Variants in MACF1 observed in about 807,000 individuals in gnomAD.
The protein encoded by MACF1 is microtubule actin crosslinking factor 1.
In MACF1, 193 loss-of-function variants were observed where a neutral mutation model predicts 854.8. The observed-to-expected ratio is 0.23, with a 90% CI of 0.20 to 0.25. The LOEUF (loss-of-function observed/expected upper bound fraction) is 0.25, where lower values mean the gene tolerates loss of function less well. MACF1 is among the 10% of genes least tolerant of loss of function. The pLI, the probability that MACF1 is intolerant of heterozygous loss-of-function variation, is 1.00. For synonymous variants in MACF1, 3,185 were observed against 3,226.7 expected (o/e 0.99, Z 0.44); for missense variants, 7,722 against 8,929.1 (o/e 0.86, Z 5.45).
chr1:39,441,582 C>T lies in MACF1; in HGVS notation c.18672+257C>T, dbSNP rs576852490. 3.3e-5 allele frequency among the ~76,000 whole-genome samples: 5 copies of T among 152,270 alleles called. No homozygotes were observed. The East Asian group carries it at 7.7e-4, about 23-fold the overall frequency. On this transcript the variant is annotated intron_variant, in intron 74 of 100. Transcript: ENST00000564288. Reference sequence around the variant, plus strand: ...TCATTCAGCTACGTTGTGAAGCTGGCCTTACTGTGAAAGTCATTGCTTGCC... The same window carrying T: ...TCATTCAGCTACGTTGTGAAGCTGGTCTTACTGTGAAAGTCATTGCTTGCC...
intron 58 of MACF1, among the ~76,000 whole-genome samples, chr1:39,394,874 C>T (rs2148582857): frequency 6.6e-6 from 1 of 152,222 alleles, no homozygotes; most frequent in East Asian, 1.9e-4. Flanking sequence ...TTTAGGTTTC[C>T]CCAGCTTTAC....
At chr1:39,111,617 G>A (rs1270344600) in intron 2 of MACF1, among the ~76,000 whole-genome samples, 5 of 152,014 alleles carry the variant, frequency 3.3e-5, no homozygotes, top group Non-Finnish European at 5.9e-5. Context: ...TTCTGACCTC[G>A]TGATCTGCCC....
intron 2 of MACF1, among the ~76,000 whole-genome samples, chr1:39,191,199 C>CTTTTTTTTTTTT: frequency 7.4e-6 from 1 of 135,482 alleles, no homozygotes; most frequent in Non-Finnish European, 1.6e-5. Context: ...TTCTTTCTTT[C>CTTTTTTTTTTTT]TTTTTTTTTT....
rs570112878 is a variant in MACF1 at position 39,308,719 on chromosome 1, G to A, written c.2790-851G>A. 2.6e-5 allele frequency among the ~76,000 whole-genome samples: 4 copies of A among 151,590 alleles called. No individual in the cohort carries two copies. The East Asian group carries it at 5.8e-4, about 22-fold the overall frequency. ...TGCCCAGGCTGGAGTGCAATGGTGCGATCTTGGCTCACTGCAACCTCCACC... is the reference window on the plus strand; with the variant it reads ...TGCCCAGGCTGGAGTGCAATGGTGCAATCTTGGCTCACTGCAACCTCCACC... On this transcript the variant is annotated intron_variant, in intron 23 of 100. Coordinates refer to ENST00000564288, the MANE Select transcript of MACF1 (RefSeq NM_001394062.1).
At chr1:39,209,147 G>T (rs1036087130) in intron 1 of MACF1, among the ~76,000 whole-genome samples, 18 of 150,254 alleles carry the variant, frequency 1.2e-4, no homozygotes, top group Non-Finnish European at 4.4e-5. Flanking sequence ...AGCTACTGGG[G>T]AGGCGGAGGT....
Position 39,347,126 on chromosome 1 carries a change from C to A in MACF1, c.10731C>A (p.Phe3577Leu). The part of the protein sequence containing the change: ...LRLLNELQRS[F>L]QDILEQTAAQ... ...TTCTGAATGAACTGCAGAGGTCCTT[C>A]CAGGACATTTTGGAACAGACTGCCG... Residue 3577 changes from phenylalanine to leucine, a missense_variant, in exon 41 of 101, where the codon TTC becomes TTA. Physicochemically the swap from Phe to Leu is conservative, Grantham distance 22. Coordinates refer to ENST00000564288, the MANE Select transcript of MACF1 (RefSeq NM_001394062.1). 2 of 1,614,082 alleles carry A rather than the reference C, an allele frequency of 1.2e-6. No individual in the cohort carries two copies. Among genetic ancestry groups the A allele is most frequent in the Admixed American group, 1.7e-5 (1 of 60,022 alleles).
chr1:39,335,233 C>T lies in MACF1; in HGVS notation c.8645C>T (p.Ser2882Leu), dbSNP rs746847551. 1.2e-5 allele frequency: 19 copies of T among 1,613,858 alleles called. No homozygotes were observed. In the Middle Eastern group the frequency reaches 4.9e-4, roughly 42 times the overall value. ...NLKGKSLGQV[S>L]LTHPYSECDF... ...AAAGGTAAATCCTTGGGCCAAGTGT[C>T]ATTGACACACCCTTACTCTGAATGT... The change falls in exon 37 of 101, where the codon TCA (serine) becomes TTA (leucine). Residue 2882 changes from serine (S) to leucine (L), a missense_variant. Coordinates refer to ENST00000564288, the MANE Select transcript of MACF1 (RefSeq NM_001394062.1).
intron 6 of MACF1, among the ~76,000 whole-genome samples, chr1:39,261,407 T>C (rs1390233854): frequency 1.3e-5 from 2 of 152,322 alleles, no homozygotes; most frequent in South Asian, 2.1e-4. Flanking sequence ...ATAATCTAGT[T>C]TGGGGACATT....
chr1:39,277,063 A>T (rs1645450492), intron 6 of MACF1, among the ~76,000 whole-genome samples: 1 of 152,138 alleles, frequency 6.6e-6, no homozygotes, highest in Non-Finnish European at 1.5e-5. Flanking sequence ...TACAAGCCTT[A>T]ACATTAAAAT....
In MACF1 at chr1:39,442,055, T is replaced by C. The variant is rs1216638507; in HGVS notation, c.18774+2T>C. 6.2e-7 allele frequency: 1 copy of C among 1,609,668 alleles called. No individual in the cohort carries two copies. The highest frequency in any genetic ancestry group is 1.3e-5 in the African/African-American group (1 of 74,780). ...AAAGATCAGTTAAATGAAATGAAGG[T>C]TTGTATCTGGGTATGGCTTTTGAAG... On this transcript the variant is annotated splice_donor_variant, in intron 75 of 100. Coordinates refer to ENST00000564288, the MANE Select transcript of MACF1 (RefSeq NM_001394062.1). LOFTEE classifies it high-confidence loss of function.
At position 39,283,309 on chromosome 1, in the gene MACF1, G is replaced by A. The variant is rs376057281; in HGVS notation, c.808+8G>A. The A allele has an allele frequency of 1.9e-6, 3 of 1,603,012 alleles. No homozygotes were observed. The highest frequency in any genetic ancestry group is 1.3e-5 in the African/African-American group (1 of 74,722). ...GCCTGCTGGATGCAGAAGGTGAGAG[G>A]GAGTTTACTGAACTTGAGTAAGGAA... On this transcript the variant is annotated splice_region_variant and intron_variant, in intron 8 of 100. Transcript: ENST00000564288. The surrounding 1 kb of genome is among the most constrained non-coding windows in gnomAD (Gnocchi z 4.5).
At chr1:39,143,370 A>T (rs1042982956) in intron 2 of MACF1, among the ~76,000 whole-genome samples, 1 of 152,162 alleles carries the variant, frequency 6.6e-6, no homozygotes, top group African/African-American at 2.4e-5. Context: ...TTCATTTGTA[A>T]CATCTTGGAG....
chr1:39,249,958 A>G, intron 2 of MACF1, 56 bp from the exon 3 acceptor site: 3 of 915,352 alleles, frequency 3.3e-6, no homozygotes, highest in Non-Finnish European at 5.2e-6. Flanking sequence ...TTTTATGTGG[A>G]TAGTATAATA....
In MACF1 at chr1:39,379,210, G is replaced by A. The variant is rs750275025; in HGVS notation, c.13284G>A (p.Thr4428=). 1.3e-5 allele frequency: 20 copies of A among 1,597,258 alleles called. No individual in the cohort carries two copies. Among genetic ancestry groups the A allele is most frequent in the Non-Finnish European group, 1.6e-5 (19 of 1,171,530 alleles). ...CTGTTTCTATGATACTAGATCTGAC[G>A]GAGATCCAGTGTGACATGTCAGATG... The part of the protein sequence containing the change: ...VNGYHTCKDL[T]EIQCDMSDVN... Residue 4428 remains threonine, a synonymous_variant, in exon 54 of 101, where the codon ACG becomes ACA. Coordinates refer to ENST00000564288, the MANE Select transcript of MACF1 (RefSeq NM_001394062.1).
chr1:39,411,434 C>T, intron 58 of MACF1: 2 of 1,613,976 alleles, frequency 1.2e-6, no homozygotes, highest in Non-Finnish European at 1.7e-6. Flanking sequence ...GGCCACCTAT[C>T]TCTTGGTCAG....
intron 1 of MACF1, among the ~76,000 whole-genome samples, chr1:39,221,604 A>G (rs1644652710): frequency 6.6e-6 from 1 of 152,186 alleles, no homozygotes; most frequent in Non-Finnish European, 1.5e-5. Flanking sequence ...TAGAAGCATG[A>G]GAATTGTCTT....
At chr1:39,462,878 G>T (rs1644583519) in intron 93 of MACF1, among the ~76,000 whole-genome samples, 1 of 152,148 alleles carries the variant, frequency 6.6e-6, no homozygotes, top group South Asian at 2.1e-4. Context: ...CTTGGTAAGG[G>T]AGAGGTGCTG....
intron 2 of MACF1, among the ~76,000 whole-genome samples, chr1:39,096,183 CAAA>C (rs35710100): frequency 4.3e-5 from 5 of 117,412 alleles, no homozygotes; most frequent in African/African-American, 3.7e-5. Flanking sequence ...GACCCTGTCT[CAAA>C]AAAAAAAAAA....
At chr1:39,273,123 C>T (rs561960382) in intron 6 of MACF1, among the ~76,000 whole-genome samples, 213 of 149,904 alleles carry the variant, frequency 1.4e-3, no homozygotes, top group Non-Finnish European at 2.5e-3. Flanking sequence ...GCATTTACCT[C>T]TATACCAATT....
Sources: allele counts gnomAD v4.1 joint callset (sites outside exome capture counted in the v4.1 genomes callset), GRCh38; gene constraint gnomAD v4.1.1; non-coding constraint Gnocchi (gnomAD v3.1); transcripts MANE v1.5; gene names NCBI Gene and HGNC (gene_info 2026-07-23, HGNC 2026-07-21).